Variants in COL8A1 observed in about 807,000 individuals in gnomAD.
The protein encoded by COL8A1 is collagen type VIII alpha 1 chain, also known as collagen alpha-1(VIII) chain.
A neutral mutation model predicts 42.7 loss-of-function variants in COL8A1; 21 were observed. That is an observed-to-expected ratio of 0.49 (90% CI 0.35 to 0.71). The LOEUF (loss-of-function observed/expected upper bound fraction) is 0.71. COL8A1 is among the 30% of genes least tolerant of loss of function. The pLI is 0.01. For missense variants in COL8A1, 788 were observed against 962.4 expected (o/e 0.82, Z 2.40); for synonymous variants, 367 against 369.1 (o/e 0.99, Z 0.06).
chr3:99,736,113 C>T (rs1178948611), intron 1 of COL8A1, among the ~76,000 whole-genome samples: 1 of 152,084 alleles, frequency 6.6e-6, no homozygotes, highest in Non-Finnish European at 1.5e-5. Context: ...CTCCTAGATT[C>T]ATTAATTTTT....
At chr3:99,683,268 C>T (rs928841947) in intron 1 of COL8A1, among the ~76,000 whole-genome samples, 1 of 152,006 alleles carries the variant, frequency 6.6e-6, no homozygotes, top group Non-Finnish European at 1.5e-5. Flanking sequence ...TCCATATTTA[C>T]CAAAATTTTA....
At chr3:99,753,351 C>G (rs2107415765) in intron 2 of COL8A1, among the ~76,000 whole-genome samples, 1 of 152,308 alleles carries the variant, frequency 6.6e-6, no homozygotes, top group Admixed American at 6.5e-5. Context: ...CAAGTAAACC[C>G]ACACTTCTGT....
chr3:99,786,088 CT>C (rs1032655514), intron 2 of COL8A1, among the ~76,000 whole-genome samples: 3 of 152,018 alleles, frequency 2.0e-5, no homozygotes, highest in Admixed American at 6.6e-5. Context: ...GGACTCTTTC[CT>C]TTTTTCCCCA....
chr3:99,779,506 A>G (rs1941754570), intron 2 of COL8A1, among the ~76,000 whole-genome samples: 1 of 152,182 alleles, frequency 6.6e-6, no homozygotes, highest in African/African-American at 2.4e-5. Flanking sequence ...CAGTTCTCTG[A>G]ATTTCAAAGC....
intron 1 of COL8A1, among the ~76,000 whole-genome samples, chr3:99,660,281 AG>A (rs34486485): frequency 6.6e-6 from 1 of 152,082 alleles, no homozygotes; most frequent in African/African-American, 2.4e-5. Flanking sequence ...GTATGATTGA[AG>A]GGGGAAAGCA....
At chr3:99,709,694 C>T (rs911222530) in intron 1 of COL8A1, among the ~76,000 whole-genome samples, 10 of 152,132 alleles carry the variant, frequency 6.6e-5, no homozygotes, top group African/African-American at 1.9e-4. Context: ...AATCTGACTC[C>T]ATATCTATTT....
At chr3:99,751,181 A>T (rs1941141349) in intron 2 of COL8A1, among the ~76,000 whole-genome samples, 1 of 152,204 alleles carries the variant, frequency 6.6e-6, no homozygotes, top group Non-Finnish European at 1.5e-5. Context: ...ATAAATCCAC[A>T]GACCATTAGA....
intron 1 of COL8A1, among the ~76,000 whole-genome samples, chr3:99,648,473 T>A (rs1413607231): frequency 2.6e-5 from 4 of 152,088 alleles, no homozygotes; most frequent in African/African-American, 4.8e-5. Context: ...TTGTTTTTTT[T>A]AATCTAAAAG....
At chr3:99,649,250 T>C (rs898849617) in intron 1 of COL8A1, among the ~76,000 whole-genome samples, 3 of 152,098 alleles carry the variant, frequency 2.0e-5, no homozygotes, top group African/African-American at 7.2e-5. Context: ...CTCCATTCTA[T>C]AATGGCATGA....
At position 99,798,386 on chromosome 3, in the gene COL8A1, T is replaced by C. The variant is rs1942138642; in HGVS notation, c.*2250T>C. 6.6e-6 allele frequency: 1 copy of C among 152,224 alleles called. No individual in the cohort carries two copies. The highest frequency in any genetic ancestry group is 2.4e-5 in the African/African-American group (1 of 41,464). 9.4% of individuals were successfully genotyped at this position (152,224 alleles called of 1,614,324 possible). A position where few individuals can be genotyped will look rare whatever the true frequency, so the allele number is the denominator to read the frequency against. ...ACTGGTTTTGGGCTGATGACTATGG[T>C]GGGCAGCATGGATCCATTGGGCTCC... On this transcript the variant is annotated 3_prime_UTR_variant, in exon 4 of 4. Coordinates refer to ENST00000652472, the MANE Select transcript of COL8A1 (RefSeq NM_020351.4).
chr3:99,733,205 A>G (rs1441682429), intron 1 of COL8A1, among the ~76,000 whole-genome samples: 1 of 147,684 alleles, frequency 6.8e-6, no homozygotes, highest in Non-Finnish European at 1.5e-5. Context: ...TGTGCAGGTT[A>G]GTTACATATG....
In COL8A1 at chr3:99,761,368, T is replaced by G. The variant is rs117966252; in HGVS notation, c.-4+16347T>G. 1.5e-3 allele frequency among the ~76,000 whole-genome samples: 230 copies of G among 152,302 alleles called. 5 individuals carry two copies. In the East Asian group the frequency reaches 0.035, roughly 23 times the overall value. On this transcript the variant is annotated intron_variant, in intron 2 of 3. Coordinates refer to ENST00000652472, the MANE Select transcript of COL8A1 (RefSeq NM_020351.4). The stretch of plus-strand genomic sequence containing the variant: ...AAGAAACTGAGGTTTATGGTGATTC[T>G]GTAACTTGGCAGAGGACACAATGAT...
rs570838463 is a variant in COL8A1, at chr3:99,712,944, C to T, written c.-128-31953C>T. Reference sequence around the variant, plus strand: ...CTCTACATTTGAGCCAGAAAGTCGTCTCAAGTCTTTTATAGACTCAAAAGT... The same window carrying T: ...CTCTACATTTGAGCCAGAAAGTCGTTTCAAGTCTTTTATAGACTCAAAAGT... On this transcript the variant is annotated intron_variant, in intron 1 of 3. Coordinates refer to ENST00000652472, the MANE Select transcript of COL8A1 (RefSeq NM_020351.4). Among the ~76,000 whole-genome samples the T allele has an allele frequency of 2.0e-5, 3 of 152,172 alleles. No individual in the cohort carries two copies. In the South Asian group the frequency reaches 6.2e-4, roughly 32 times the overall value.
intron 1 of COL8A1, among the ~76,000 whole-genome samples, chr3:99,731,633 G>A (rs1367000059): frequency 2.6e-5 from 4 of 152,160 alleles, no homozygotes; most frequent in Non-Finnish European, 4.4e-5. Context: ...GCACAGAGTA[G>A]AGCAAGAGTA....
At chr3:99,686,806 G>C (rs1939066657) in intron 1 of COL8A1, among the ~76,000 whole-genome samples, 1 of 152,092 alleles carries the variant, frequency 6.6e-6, no homozygotes, top group Non-Finnish European at 1.5e-5. Context: ...CTCCCAAGTA[G>C]GTGGGACTAC....
At position 99,788,104 on chromosome 3, in the gene COL8A1, T is replaced by C. The variant is rs553198457; in HGVS notation, c.-3-2576T>C. Among the ~76,000 whole-genome samples, 5 of 152,294 alleles carry C rather than the reference T, an allele frequency of 3.3e-5. No homozygotes were observed. In the South Asian group the frequency reaches 1.0e-3, roughly 32 times the overall value. The stretch of plus-strand genomic sequence containing the variant: ...TTTGAGTGATTTGGGAGAACCCCCA[T>C]ACCACTTTGACCACCAAAAATATCC... On this transcript the variant is annotated intron_variant, in intron 2 of 3. Coordinates refer to ENST00000652472, the MANE Select transcript of COL8A1 (RefSeq NM_020351.4).
intron 1 of COL8A1, among the ~76,000 whole-genome samples, chr3:99,721,465 A>AGGGAAGGGAG (rs1940153926): frequency 6.8e-6 from 1 of 146,626 alleles, no homozygotes; most frequent in Admixed American, 6.8e-5. Flanking sequence ...AGGACAGGGA[A>AGGGAAGGGAG]GGGAAGGGAG....
At chr3:99,732,688 T>C (rs1940553700) in intron 1 of COL8A1, among the ~76,000 whole-genome samples, 1 of 151,960 alleles carries the variant, frequency 6.6e-6, no homozygotes, top group African/African-American at 2.4e-5. Context: ...CCCTGGCCCC[T>C]CCCAAATCTC....
At chr3:99,732,355 A>G (rs1940535161) in intron 1 of COL8A1, among the ~76,000 whole-genome samples, 1 of 152,120 alleles carries the variant, frequency 6.6e-6, no homozygotes, top group Admixed American at 6.6e-5. Context: ...TTTATAAAGG[A>G]AAGAGATTTA....
Sources: gnomAD v4.1 joint callset for allele counts (sites outside exome capture counted in the v4.1 genomes callset) on GRCh38, gnomAD v4.1.1 for gene constraint, MANE v1.5 for transcripts, NCBI Gene and HGNC (gene_info 2026-07-23, HGNC 2026-07-21) for gene names.